The following RBFOX1 variants were observed in gnomAD, a reference collection of about 807,000 sequenced individuals.
The protein encoded by RBFOX1 is RNA binding protein fox-1 homolog 1.
Under a neutral mutation model 57.7 loss-of-function variants are expected in RBFOX1, and 8 were observed. The ratio of observed to expected loss-of-function variants is 0.14; its 90% CI spans 0.08 to 0.25. RBFOX1 has a LOEUF of 0.25. Among genes scored for constraint, RBFOX1 ranks in the 10% least tolerant of loss-of-function variants. RBFOX1 has a pLI of 1.00. For synonymous variants in RBFOX1, 326 were observed against 222.4 expected (o/e 1.47, Z -4.15); for missense variants, 611 against 548.5 (o/e 1.11, Z -1.14).
chr16:5,375,316 G>A (rs1340843734), intron 1 of RBFOX1, among the ~76,000 whole-genome samples: 1 of 152,154 alleles, frequency 6.6e-6, no homozygotes, highest in Non-Finnish European at 1.5e-5. Context: ...AGGGAAAACT[G>A]TTCTAGGGAG....
At chr16:6,767,947 T>TAAAGAAGAAG (rs1410744665) in intron 3 of RBFOX1, among the ~76,000 whole-genome samples, 2 of 101,046 alleles carry the variant, frequency 2.0e-5, no homozygotes, top group East Asian at 6.0e-4. Context: ...ATAATAATAA[T>TAAAGAAGAAG]AAGAAGAAGA....
intron 2 of RBFOX1, among the ~76,000 whole-genome samples, chr16:5,485,899 C>G (rs746301554): frequency 6.6e-5 from 10 of 152,162 alleles, no homozygotes; most frequent in African/African-American, 2.2e-4. Context: ...CCTCTTGAAC[C>G]TCATTTTCCC....
chr16:6,487,183 C>T lies in RBFOX1; in HGVS notation c.-63-167420C>T, dbSNP rs140601075. On this transcript the variant is annotated intron_variant, in intron 2 of 15. Transcript: ENST00000550418. Reference sequence around the variant, plus strand: ...GTGTGTGTGTGTGTGTGTGTGTGTACCCAAAAGGCCGAAACAGCTTATGTC... The same window carrying T: ...GTGTGTGTGTGTGTGTGTGTGTGTATCCAAAAGGCCGAAACAGCTTATGTC... Among the ~76,000 whole-genome samples, 894 of 119,364 alleles carry T rather than the reference C, an allele frequency of 7.5e-3. 10 individuals are homozygous for T. Among genetic ancestry groups the T allele is most frequent in the African/African-American group, 0.033 (846 of 25,868 alleles). The allele number at this position is 119,364 out of a possible 152,430, so 78.3% of individuals were successfully genotyped here. A position where few individuals can be genotyped will look rare whatever the true frequency, so the allele number is the denominator to read the frequency against.
intron 2 of RBFOX1, among the ~76,000 whole-genome samples, chr16:5,580,841 C>G (rs974720474): frequency 6.6e-6 from 1 of 152,188 alleles, no homozygotes; most frequent in Non-Finnish European, 1.5e-5. Flanking sequence ...GGTCACCTGT[C>G]TTAATGATCC....
chr16:5,256,575 C>G (rs1289745131), intron 1 of RBFOX1, among the ~76,000 whole-genome samples: 1 of 148,194 alleles, frequency 6.7e-6, no homozygotes, highest in Non-Finnish European at 1.5e-5. Context: ...GCAAAGTGTT[C>G]TTCTTTGCCT....
chr16:7,211,569 C>G (rs528501252), intron 4 of RBFOX1, among the ~76,000 whole-genome samples: 1 of 151,974 alleles, frequency 6.6e-6, no homozygotes, highest in South Asian at 2.1e-4. Flanking sequence ...CAAAAAAGGC[C>G]TTGAGTCTTA....
chr16:6,811,421 T>C (rs1260419245), intron 3 of RBFOX1, among the ~76,000 whole-genome samples: 2 of 152,242 alleles, frequency 1.3e-5, no homozygotes, highest in South Asian at 2.1e-4. Context: ...TAATGTTTCA[T>C]TGGCTATTAT....
At chr16:5,382,207 A>G (rs2151393067) in intron 1 of RBFOX1, among the ~76,000 whole-genome samples, 1 of 152,356 alleles carries the variant, frequency 6.6e-6, no homozygotes, top group East Asian at 1.9e-4. Context: ...TTCATCAGTA[A>G]TTGACAACAT....
intron 4 of RBFOX1, among the ~76,000 whole-genome samples, chr16:5,888,776 G>T (rs1219944466): frequency 1.4e-5 from 2 of 142,316 alleles, no homozygotes; most frequent in Admixed American, 1.5e-4. Flanking sequence ...CAATCTGGGC[G>T]ACAAGAGCGA....
intron 3 of RBFOX1, among the ~76,000 whole-genome samples, chr16:6,783,239 A>G (rs575779641): frequency 1.3e-5 from 2 of 151,624 alleles, no homozygotes; most frequent in East Asian, 3.9e-4. Context: ...ACTCATTGTT[A>G]TTATTGATAG....
intron 14 of RBFOX1, among the ~76,000 whole-genome samples, chr16:7,677,164 A>C (rs1282802769): frequency 1.9e-5 from 1 of 51,626 alleles, no homozygotes; most frequent in Non-Finnish European, 5.7e-5. Flanking sequence ...CACACACCGT[A>C]CAACCTTCTT....
At chr16:5,628,020 CAG>C (rs561762193) in intron 3 of RBFOX1, among the ~76,000 whole-genome samples, 114 of 152,234 alleles carry the variant, frequency 7.5e-4, no homozygotes, top group Middle Eastern at 6.8e-3. Flanking sequence ...CTTCTGCCAT[CAG>C]AGAGAGGAAT....
At chr16:6,500,748 G>C (rs921754053) in intron 2 of RBFOX1, among the ~76,000 whole-genome samples, 2 of 152,098 alleles carry the variant, frequency 1.3e-5, no homozygotes, top group Admixed American at 1.3e-4. Flanking sequence ...TGCATGTCAA[G>C]ATGTTGTTAT....
chr16:6,915,842 A>T (rs548991625), intron 3 of RBFOX1, among the ~76,000 whole-genome samples: 1 of 152,086 alleles, frequency 6.6e-6, no homozygotes, highest in Non-Finnish European at 1.5e-5. Context: ...GTGAGCCGCT[A>T]TGCCCAGCCT....
chr16:5,998,692 C>T (rs938961304), intron 4 of RBFOX1, among the ~76,000 whole-genome samples: 13 of 152,160 alleles, frequency 8.5e-5, no homozygotes, highest in African/African-American at 2.4e-4. Context: ...AATGTCCTTT[C>T]TGCTTACAGA....
intron 2 of RBFOX1, among the ~76,000 whole-genome samples, chr16:5,537,240 T>C (rs531679984): frequency 6.6e-6 from 1 of 152,342 alleles, no homozygotes; most frequent in African/African-American, 2.4e-5. Context: ...TCTCAGCTTC[T>C]TCTGTCACGG....
At chr16:7,498,873 C>T (rs74010528) in intron 4 of RBFOX1, among the ~76,000 whole-genome samples, 5,009 of 152,178 alleles carry the variant, frequency 0.033, 295 homozygotes, top group African/African-American at 0.11. Flanking sequence ...AATTGTCATG[C>T]GCCCCAACTT....
chr16:7,369,692 A>G (rs28393883), intron 4 of RBFOX1, among the ~76,000 whole-genome samples: 1 of 152,150 alleles, frequency 6.6e-6, no homozygotes, highest in Non-Finnish European at 1.5e-5. Context: ...TGGAGGGGCT[A>G]TTTGCCATGG....
At chr16:5,874,252 A>G (rs1381772414) in intron 4 of RBFOX1, among the ~76,000 whole-genome samples, 1 of 152,240 alleles carries the variant, frequency 6.6e-6, no homozygotes, top group African/African-American at 2.4e-5. Flanking sequence ...CAAAGCAGCC[A>G]TTGGTTGATT....
Sources: gnomAD v4.1 joint callset for allele counts (sites outside exome capture counted in the v4.1 genomes callset) on GRCh38, gnomAD v4.1.1 for gene constraint, MANE v1.5 for transcripts, NCBI Gene and HGNC (gene_info 2026-07-23, HGNC 2026-07-21) for gene names.